The following SLC7A8 variants were observed in gnomAD, a reference collection of about 807,000 sequenced individuals.
The protein encoded by SLC7A8 is solute carrier family 7 member 8, also known as large neutral amino acids transporter small subunit 2.
Under a neutral mutation model 51.2 loss-of-function variants are expected in SLC7A8, and 30 were observed. The observed-to-expected ratio is 0.59, with a 90% CI of 0.44 to 0.80. The LOEUF is 0.80. Ranked by LOEUF, SLC7A8 falls within the 30% of genes least tolerant of loss-of-function variation. SLC7A8 has a pLI of 0.00. For missense variants in SLC7A8, 612 were observed against 674.4 expected, an observed-to-expected ratio of 0.91 and a Z score of 1.03; for synonymous variants, 257 against 275.8, an observed-to-expected ratio of 0.93 and a Z score of 0.67.
intron 8 of SLC7A8, among the ~76,000 whole-genome samples, chr14:23,130,944 T>C (rs1044066808): frequency 3.3e-5 from 5 of 152,256 alleles, no homozygotes; most frequent in Admixed American, 2.0e-4. Context: ...AAGTTTCCTT[T>C]GCACAGTTTC....
In SLC7A8 at chr14:23,143,135, C is replaced by T. The variant is rs1016877514; in HGVS notation, c.578G>A (p.Gly193Glu). 1.9e-6 allele frequency: 3 copies of T among 1,614,170 alleles called. No individual in the cohort carries two copies. The Admixed American group carries it at 5.0e-5, about 27-fold the overall frequency. Residue 193 changes from glycine (G) to glutamate (E), a missense_variant, in exon 4 of 11, where the codon GGG becomes GAG. Physicochemically the swap from Gly to Glu is moderately conservative, Grantham distance 98 (BLOSUM62 -2). Transcript: ENST00000316902. ...ATRVQDIFTA[G>E]KLLALALIII... ...AATCAGGGCCAAGGCCAGGAGCTTC[C>T]CAGCTGTGAAGATGTCTTGAACCCG...
rs116810212 is a variant in SLC7A8, at chr14:23,163,092, C to T, written c.508+2193G>A. ...GCATTCCCACGCCCTCGCTCTTCCC[C>T]GCTCCCCATCTCAACTCTGGATCCA... On this transcript the variant is annotated intron_variant, in intron 3 of 10. Transcript: ENST00000316902. 4.6e-3 allele frequency among the ~76,000 whole-genome samples: 693 copies of T among 152,292 alleles called. 8 individuals carry two copies. Among genetic ancestry groups the T allele is most frequent in the African/African-American group, 0.016 (668 of 41,564 alleles).
At chr14:23,153,269 T>C (rs1297132137) in intron 3 of SLC7A8, among the ~76,000 whole-genome samples, 2 of 152,198 alleles carry the variant, frequency 1.3e-5, no homozygotes, top group Non-Finnish European at 2.9e-5. Context: ...TGAGCCACCA[T>C]GGCGGCCCCA....
chr14:23,169,150 A>G (rs937356879), intron 1 of SLC7A8, among the ~76,000 whole-genome samples: 3 of 152,182 alleles, frequency 2.0e-5, no homozygotes, highest in Non-Finnish European at 4.4e-5. Flanking sequence ...GGAGTTCGAC[A>G]CCAGCCTGGG....
chr14:23,160,525 C>T (rs980510626), intron 3 of SLC7A8, among the ~76,000 whole-genome samples: 24 of 148,508 alleles, frequency 1.6e-4, no homozygotes, highest in Admixed American at 5.4e-4. Flanking sequence ...GAGCCGAGAT[C>T]GCGCCACTGC....
Position 23,165,506 on chromosome 14 carries a change from C to T in SLC7A8, c.357-70G>A. 3 of 1,468,514 alleles carry T rather than the reference C, an allele frequency of 2.0e-6. No homozygotes were observed. Among genetic ancestry groups the T allele is most frequent in the South Asian group, 2.7e-5 (2 of 74,814 alleles). 91.0% of individuals were successfully genotyped at this position (1,468,514 alleles called of 1,614,324 possible). A position where few individuals can be genotyped will look rare whatever the true frequency, so the allele number is the denominator to read the frequency against. On this transcript the variant is annotated intron_variant, in intron 2 of 10. Coordinates refer to ENST00000316902, the MANE Select transcript of SLC7A8 (RefSeq NM_012244.4). This position sits in a 1 kb window ranked among gnomAD's most constrained non-coding sequence, Gnocchi z 4.2. ...CAGAGCCATCAGGGGAGAGCCCGGG[C>T]AAGTCATGCATCTCTTTTTTATTTT...
rs143842189 is a variant in SLC7A8 at position 23,157,580 on chromosome 14, A to G, written c.508+7705T>C. ...TTATATATTTCTTGCCTCCTAGTCTATGGTGTGGCTATACTGAACAACCTG... is the reference window on the plus strand; with the variant it reads ...TTATATATTTCTTGCCTCCTAGTCTGTGGTGTGGCTATACTGAACAACCTG... On this transcript the variant is annotated intron_variant, in intron 3 of 10. Coordinates refer to ENST00000316902, the MANE Select transcript of SLC7A8 (RefSeq NM_012244.4). 5.3e-5 allele frequency among the ~76,000 whole-genome samples: 8 copies of G among 152,250 alleles called. 1 individual carries two copies. The highest frequency in any genetic ancestry group is 1.7e-4 in the African/African-American group (7 of 41,526).
At chr14:23,153,393 T>C (rs902442845) in intron 3 of SLC7A8, among the ~76,000 whole-genome samples, 7 of 152,162 alleles carry the variant, frequency 4.6e-5, no homozygotes, top group Admixed American at 4.6e-4. Flanking sequence ...CCTTCCTTCA[T>C]TATACACAGA....
chr14:23,164,580 G>A (rs950727210), intron 3 of SLC7A8, among the ~76,000 whole-genome samples: 6 of 151,586 alleles, frequency 4.0e-5, no homozygotes, highest in African/African-American at 1.5e-4. Context: ...GAAAATCATA[G>A]TGCCTCCAAG....
At chr14:23,174,441 G>A (rs2048989921) in intron 1 of SLC7A8, among the ~76,000 whole-genome samples, 1 of 152,244 alleles carries the variant, frequency 6.6e-6, no homozygotes, top group Admixed American at 6.5e-5. Context: ...TGATGTCACT[G>A]CTAATGCTGA....
Position 23,164,664 on chromosome 14 carries a change from A to T in SLC7A8, c.508+621T>A, listed in dbSNP as rs916800042. 2.6e-5 allele frequency among the ~76,000 whole-genome samples: 4 copies of T among 152,022 alleles called. No individual in the cohort carries two copies. The East Asian group carries it at 5.8e-4, about 22-fold the overall frequency. ...TATGCAGAATCCATTCATAAAAAACACACTTGTAGGAAATTGAAAGAAAAG... is the reference window on the plus strand; with the variant it reads ...TATGCAGAATCCATTCATAAAAAACTCACTTGTAGGAAATTGAAAGAAAAG... On this transcript the variant is annotated intron_variant, in intron 3 of 10. Transcript: ENST00000316902.
chr14:23,175,611 T>G (rs764683119), intron 1 of SLC7A8, among the ~76,000 whole-genome samples: 1 of 152,242 alleles, frequency 6.6e-6, no homozygotes. Context: ...TCCTCCACTC[T>G]AAGCATCTCC....
At position 23,165,214 on chromosome 14, in the gene SLC7A8, G is replaced by T; in HGVS notation, c.508+71C>A. The T allele has an allele frequency of 7.1e-7, 1 of 1,407,696 alleles. No homozygotes were observed. The highest frequency in any genetic ancestry group is 9.3e-7 in the Non-Finnish European group (1 of 1,070,624). The allele number at this position is 1,407,696 out of a possible 1,614,324, so 87.2% of individuals were successfully genotyped here. On this transcript the variant is annotated intron_variant, in intron 3 of 10. Coordinates refer to ENST00000316902, the MANE Select transcript of SLC7A8 (RefSeq NM_012244.4). This position sits in a 1 kb window ranked among gnomAD's most constrained non-coding sequence, Gnocchi z 4.2. The stretch of plus-strand genomic sequence containing the variant: ...GCCTGAGTGACAGAGTGAAGACTCT[G>T]TTTCTAAAAATAATAATAATAAATA...
chr14:23,130,976 T>C (rs2048627054), intron 8 of SLC7A8, among the ~76,000 whole-genome samples: 1 of 152,250 alleles, frequency 6.6e-6, no homozygotes, highest in African/African-American at 2.4e-5. Flanking sequence ...TCTTCCTCTA[T>C]TATTTTTCGT....
intron 4 of SLC7A8, 40 bp downstream of exon 4, chr14:23,143,039 A>T: frequency 6.2e-7 from 1 of 1,609,184 alleles, no homozygotes; most frequent in Non-Finnish European, 8.5e-7. Context: ...ATGCAAGGGG[A>T]GGAAAGCTGG....
At chr14:23,141,878 GC>G (rs1261916467) in intron 4 of SLC7A8, among the ~76,000 whole-genome samples, 2 of 152,140 alleles carry the variant, frequency 1.3e-5, no homozygotes, top group Non-Finnish European at 2.9e-5. Flanking sequence ...CTGCTGACTG[GC>G]TAAAATTTCA....
rs1416976186 is a variant in SLC7A8 at position 23,143,112 on chromosome 14, T to A, written c.601A>T (p.Ile201Phe). 1.9e-6 allele frequency: 3 copies of A among 1,613,966 alleles called. No homozygotes were observed. The East Asian group carries it at 6.7e-5, about 36-fold the overall frequency. The change falls in exon 4 of 11, where the codon ATT (isoleucine) becomes TTT (phenylalanine). Residue 201 changes from isoleucine to phenylalanine, a missense_variant. Coordinates refer to ENST00000316902, the MANE Select transcript of SLC7A8 (RefSeq NM_012244.4). ...TAGKLLALALIIIMGIVQICK... is the reference protein window; with the variant it reads ...TAGKLLALALFIIMGIVQICK... ...ATCTGTACAATCCCCATGATGATAA[T>A]CAGGGCCAAGGCCAGGAGCTTCCCA...
rs531107190 is a variant in SLC7A8 at position 23,133,159 on chromosome 14, T to G, written c.1017-1602A>C. Among the ~76,000 whole-genome samples the G allele has an allele frequency of 2.6e-5, 4 of 152,282 alleles. No individual in the cohort carries two copies. The South Asian group carries it at 8.3e-4, about 32-fold the overall frequency. ...GAGTTTAAAAAAATTATATCCTGTC[T>G]GGGCACGGTGGGTAACACCTGCAAT... On this transcript the variant is annotated intron_variant, in intron 7 of 10. Transcript: ENST00000316902.
At chr14:23,127,970 A>C (rs1264280426) in intron 10 of SLC7A8, 49 bp downstream of exon 10, 1 of 1,563,764 alleles carries the variant, frequency 6.4e-7, no homozygotes, top group African/African-American at 1.4e-5. Context: ...TGACCACTGC[A>C]TTCCAGCCCA....
Sources: gnomAD v4.1 joint callset for allele counts (sites outside exome capture counted in the v4.1 genomes callset) on GRCh38, gnomAD v4.1.1 for gene constraint, Gnocchi (gnomAD v3.1) non-coding constraint, MANE v1.5 for transcripts, NCBI Gene and HGNC (gene_info 2026-07-23, HGNC 2026-07-21) for gene names.